Variants in TDRD9 observed in about 807,000 individuals in gnomAD.
The protein encoded by TDRD9 is tudor domain containing 9, also known as ATP-dependent RNA helicase TDRD9.
In TDRD9, 124 loss-of-function variants were observed where a neutral mutation model predicts 172.6. That is an observed-to-expected ratio of 0.72 (90% CI 0.62 to 0.83). TDRD9 has a LOEUF of 0.83. Among genes scored for constraint, TDRD9 ranks in the 40% least tolerant of loss-of-function variants. TDRD9 has a pLI of 0.00. For missense variants in TDRD9, 1,479 were observed against 1,714.1 expected (o/e 0.86, Z 2.42); for synonymous variants, 619 against 617.1 (o/e 1.00, Z -0.05).
At chr14:103,987,123 T>TACACACACACACAC (rs143714763) in intron 8 of TDRD9, among the ~76,000 whole-genome samples, 2 of 145,686 alleles carry the variant, frequency 1.4e-5, no homozygotes, top group Non-Finnish European at 1.5e-5. Flanking sequence ...AAAAAATATA[T>TACACACACACACAC]ACACACACAC....
At chr14:104,022,034 A>G (rs1045086090) in intron 23 of TDRD9, 123 bp from the exon 24 acceptor site, 202 of 704,180 alleles carry the variant, frequency 2.9e-4, no homozygotes, top group Non-Finnish European at 4.6e-4. Flanking sequence ...TTAATTATAA[A>G]TTGAAGAGTT....
chr14:103,932,497 G>A (rs1447646914), intron 1 of TDRD9, among the ~76,000 whole-genome samples: 2 of 152,066 alleles, frequency 1.3e-5, no homozygotes, highest in Admixed American at 6.6e-5. Context: ...ACACCATTCT[G>A]CTGCCTCAGC....
rs140344371 is a variant in TDRD9 at position 104,015,303 on chromosome 14, T to C, written c.2223+462T>C. On this transcript the variant is annotated intron_variant, in intron 21 of 35. Coordinates refer to ENST00000409874, the MANE Select transcript of TDRD9 (RefSeq NM_153046.3). ...TAGCTGGAATGTAGCGAGTGAGAAG[T>C]GTGTCCTGGCCAGTGGAGACTGCCT... 7.9e-5 allele frequency among the ~76,000 whole-genome samples: 12 copies of C among 152,300 alleles called. No individual in the cohort carries two copies. In the East Asian group the frequency reaches 2.3e-3, roughly 29 times the overall value.
chr14:103,932,651 T>C (rs1049941598), intron 1 of TDRD9, among the ~76,000 whole-genome samples: 9 of 151,560 alleles, frequency 5.9e-5, no homozygotes, highest in African/African-American at 9.7e-5. Context: ...CCTTCCAAAG[T>C]GCTGGGATTA....
intron 8 of TDRD9, among the ~76,000 whole-genome samples, chr14:103,990,818 A>T (rs988800184): frequency 5.9e-5 from 9 of 152,172 alleles, no homozygotes; most frequent in Non-Finnish European, 1.0e-4. Flanking sequence ...AATAGTTTGG[A>T]CTCATGAACA....
chr14:103,938,003 C>T (rs973917711), intron 1 of TDRD9, among the ~76,000 whole-genome samples: 3 of 151,938 alleles, frequency 2.0e-5, no homozygotes, highest in Non-Finnish European at 2.9e-5. Flanking sequence ...GGAAGGGACA[C>T]GGCAGCCTGG....
In TDRD9 at chr14:103,965,549, T is replaced by TACC. The variant is rs1433991595; in HGVS notation, c.639_641dup (p.Tyr213_Gln214insHis). ...CTGGACCCTGGGAGGTGTGGTGGGC[T>TACC]ACCAGGTGAGACTGGGAGGGAGGGA... On this transcript the variant is annotated inframe_insertion, in exon 4 of 36. Coordinates refer to ENST00000409874, the MANE Select transcript of TDRD9 (RefSeq NM_153046.3). 3 of 1,535,932 alleles carry TACC rather than the reference T, an allele frequency of 2.0e-6. No homozygotes were observed. Among genetic ancestry groups the TACC allele is most frequent in the Non-Finnish European group, 2.6e-6 (3 of 1,138,148 alleles).
chr14:103,981,016 A>G lies in TDRD9; in HGVS notation c.1012-5201A>G, dbSNP rs539830738. Among the ~76,000 whole-genome samples the G allele has an allele frequency of 2.0e-5, 3 of 152,320 alleles. No individual in the cohort carries two copies. In the South Asian group the frequency reaches 6.2e-4, roughly 32 times the overall value. The stretch of plus-strand genomic sequence containing the variant: ...TAATGATTAATGATATTCATACATA[A>G]TCATATCTAAGATCTATATCTAGTA... On this transcript the variant is annotated intron_variant, in intron 7 of 35. Transcript: ENST00000409874.
At chr14:104,014,321 C>A (rs1167521945) in intron 20 of TDRD9, among the ~76,000 whole-genome samples, 1 of 151,432 alleles carries the variant, frequency 6.6e-6, no homozygotes, top group Non-Finnish European at 1.5e-5. Flanking sequence ...ACTCTGCCAC[C>A]CAGGCTGTAG....
At chr14:104,024,076 T>C (rs2035042596) in intron 24 of TDRD9, among the ~76,000 whole-genome samples, 1 of 152,240 alleles carries the variant, frequency 6.6e-6, no homozygotes, top group South Asian at 2.1e-4. Context: ...TACTATCTTA[T>C]TGCCTTTAAG....
chr14:103,946,647 A>G (rs1044786185), intron 1 of TDRD9, among the ~76,000 whole-genome samples: 6 of 152,190 alleles, frequency 3.9e-5, no homozygotes, highest in Non-Finnish European at 8.8e-5. Flanking sequence ...ATATGTAGAA[A>G]CCCCTAAAGA....
intron 31 of TDRD9, 113 bp downstream of exon 31, chr14:104,034,182 T>TA: frequency 2.0e-5 from 9 of 440,072 alleles, no homozygotes; most frequent in Admixed American, 8.0e-5. Flanking sequence ...TATGTACTAT[T>TA]CTTTTTTTTT....
chr14:103,991,024 A>G, intron 8 of TDRD9, 136 bp from the exon 9 acceptor site: 1 of 1,006,800 alleles, frequency 9.9e-7, no homozygotes, highest in Non-Finnish European at 1.4e-6. Context: ...GTGTTTTCTT[A>G]TGTAAAATAA....
chr14:103,956,144 A>ATATATATATATATG lies in TDRD9; in HGVS notation c.322+380_322+381insTATATATGTATATA, dbSNP rs1178934138. Among the ~76,000 whole-genome samples, 65 of 80,856 alleles carry ATATATATATATATG rather than the reference A, an allele frequency of 8.0e-4. 2 individuals carry two copies. The highest frequency in any genetic ancestry group is 1.8e-3 in the East Asian group (5 of 2,818). 53.0% of individuals were successfully genotyped at this position (80,856 alleles called of 152,430 possible). ...TATATATATATATATATATATATAT[A>ATATATATATATATG]TATATAATTATTAGGCCAGGCGCAG... On this transcript the variant is annotated intron_variant, in intron 2 of 35. Coordinates refer to ENST00000409874, the MANE Select transcript of TDRD9 (RefSeq NM_153046.3).
intron 1 of TDRD9, among the ~76,000 whole-genome samples, chr14:103,951,786 A>G (rs1208937232): frequency 6.6e-6 from 1 of 150,870 alleles, no homozygotes; most frequent in African/African-American, 2.4e-5. Context: ...CTTTTTTTTG[A>G]GACGGAGTCT....
chr14:103,939,362 G>A (rs1471052490), intron 1 of TDRD9, among the ~76,000 whole-genome samples: 2 of 152,082 alleles, frequency 1.3e-5, no homozygotes, highest in Non-Finnish European at 2.9e-5. Flanking sequence ...TAAAACTCAC[G>A]TTTGCTACTT....
chr14:103,929,181 A>G (rs189206138), intron 1 of TDRD9, among the ~76,000 whole-genome samples: 1 of 152,116 alleles, frequency 6.6e-6, no homozygotes, highest in East Asian at 1.9e-4. Context: ...GGTTTGGACA[A>G]ACGCCTAACG....
chr14:104,044,615 A>T (rs1596030563), intron 34 of TDRD9, among the ~76,000 whole-genome samples: 2 of 152,338 alleles, frequency 1.3e-5, no homozygotes, highest in South Asian at 2.1e-4. Flanking sequence ...AGGTTTATCC[A>T]TACTGTATCA....
intron 1 of TDRD9, among the ~76,000 whole-genome samples, chr14:103,943,430 TAC>T (rs1273708215): frequency 6.6e-6 from 1 of 150,620 alleles, no homozygotes; most frequent in Non-Finnish European, 1.5e-5. Flanking sequence ...TAAGTATATA[TAC>T]GCATATGTAT....
Sources: allele counts gnomAD v4.1 joint callset (sites outside exome capture counted in the v4.1 genomes callset), GRCh38; gene constraint gnomAD v4.1.1; transcripts MANE v1.5; gene names NCBI Gene and HGNC (gene_info 2026-07-23, HGNC 2026-07-21).